RBFOX1: variants seen among roughly 807,000 people sequenced by gnomAD.
RBFOX1 encodes the protein RNA binding fox-1 homolog 1.
RBFOX1 carries 8 observed loss-of-function variants against 57.7 expected under a neutral mutation model. The ratio of observed to expected loss-of-function variants is 0.14; its 90% CI spans 0.08 to 0.25. The LOEUF (loss-of-function observed/expected upper bound fraction) is 0.25. Ranked by LOEUF, RBFOX1 falls within the 10% of genes least tolerant of loss-of-function variation. The pLI is 1.00. For synonymous variants in RBFOX1, 326 were observed against 222.4 expected (o/e 1.47, Z -4.15); for missense variants, 611 against 548.5 (o/e 1.11, Z -1.14).
chr16:6,448,156 CTTT>C lies in RBFOX1; in HGVS notation c.-64+131118_-64+131120del, dbSNP rs397969435. ...TTCTTTTTTTTCTTTTCTTTTCTTT[CTTT>C]TTTTTTTTTTTTTTTTTTGAGATGG... On this transcript the variant is annotated intron_variant, in intron 2 of 15. Transcript: ENST00000550418. 1.2e-3 allele frequency among the ~76,000 whole-genome samples: 91 copies of C among 78,472 alleles called. 1 individual carries two copies. Among genetic ancestry groups the C allele is most frequent in the African/African-American group, 4.8e-3 (85 of 17,848 alleles). The allele number at this position is 78,472 out of a possible 152,430, so 51.5% of individuals were successfully genotyped here. A position where few individuals can be genotyped will look rare whatever the true frequency, so the allele number is the denominator to read the frequency against.
intron 1 of RBFOX1, among the ~76,000 whole-genome samples, chr16:5,429,845 C>G (rs2067676233): frequency 6.6e-6 from 1 of 152,202 alleles, no homozygotes; most frequent in South Asian, 2.1e-4. Flanking sequence ...GTGCTAGGGG[C>G]TCCGGCTGTG....
At chr16:7,173,507 C>T (rs569998984) in intron 4 of RBFOX1, among the ~76,000 whole-genome samples, 19 of 151,628 alleles carry the variant, frequency 1.3e-4, no homozygotes, top group Non-Finnish European at 2.8e-4. Context: ...TTTTTTCTCT[C>T]AGAAGTCATT....
At chr16:6,628,949 G>C (rs2098346922) in intron 2 of RBFOX1, among the ~76,000 whole-genome samples, 1 of 152,174 alleles carries the variant, frequency 6.6e-6, no homozygotes, top group Non-Finnish European at 1.5e-5. Flanking sequence ...AGAATTGCTT[G>C]AACCCAGGCT....
chr16:7,419,058 C>G lies in RBFOX1; in HGVS notation c.28-99089C>G, dbSNP rs1231612104. On this transcript the variant is annotated intron_variant, in intron 4 of 15. Transcript: ENST00000550418. ...TAGCTGGGACTACAGGTGTTCGTCA[C>G]CACGCCCAGATAGTTTTTTTTGTAT... Among the ~76,000 whole-genome samples the G allele has an allele frequency of 2.4e-4, 36 of 152,096 alleles. 1 individual carries two copies. The highest frequency in any genetic ancestry group is 2.3e-3 in the Admixed American group (35 of 15,264).
chr16:7,105,837 A>T (rs13333584), intron 4 of RBFOX1, among the ~76,000 whole-genome samples: 1 of 152,112 alleles, frequency 6.6e-6, no homozygotes, highest in Non-Finnish European at 1.5e-5. Flanking sequence ...CATTTGATTG[A>T]TGGGCATTTG....
At chr16:6,501,577 G>T (rs1262899915) in intron 2 of RBFOX1, among the ~76,000 whole-genome samples, 1 of 151,934 alleles carries the variant, frequency 6.6e-6, no homozygotes, top group African/African-American at 2.4e-5. Context: ...CTTTGCTATT[G>T]TGAATAGTGC....
At chr16:5,424,994 T>TTTTTTTC (rs1567490832) in intron 1 of RBFOX1, among the ~76,000 whole-genome samples, 1 of 89,562 alleles carries the variant, frequency 1.1e-5, no homozygotes. Flanking sequence ...TTTTCTTTTC[T>TTTTTTTC]TTTCTTTTCT....
intron 2 of RBFOX1, among the ~76,000 whole-genome samples, chr16:6,447,630 C>T (rs555475388): frequency 3.4e-4 from 51 of 152,216 alleles, no homozygotes; most frequent in Non-Finnish European, 5.1e-4. Context: ...TCTACGTGCG[C>T]GGACAAATCA....
At chr16:6,297,503 G>A (rs1379270539) in intron 1 of RBFOX1, among the ~76,000 whole-genome samples, 1 of 152,122 alleles carries the variant, frequency 6.6e-6, no homozygotes, top group African/African-American at 2.4e-5. Flanking sequence ...GAATGCCTCT[G>A]AACCGAGTTT....
intron 3 of RBFOX1, among the ~76,000 whole-genome samples, chr16:5,837,506 T>C: frequency 6.6e-6 from 1 of 151,900 alleles, no homozygotes; most frequent in African/African-American, 2.4e-5. Flanking sequence ...TCCACAGACA[T>C]TCCCACTCCC....
At chr16:6,324,549 C>T (rs1446982905) in intron 2 of RBFOX1, among the ~76,000 whole-genome samples, 1 of 152,066 alleles carries the variant, frequency 6.6e-6, no homozygotes, top group Non-Finnish European at 1.5e-5. Context: ...AGAGGAGGCA[C>T]CATGCACTTT....
chr16:5,639,233 C>G (rs143647378), intron 3 of RBFOX1, among the ~76,000 whole-genome samples: 1 of 152,158 alleles, frequency 6.6e-6, no homozygotes, highest in Non-Finnish European at 1.5e-5. Flanking sequence ...CATCTATGTA[C>G]GTAAGGGAAT....
chr16:7,026,928 C>G (rs149946369), intron 3 of RBFOX1, among the ~76,000 whole-genome samples: 4 of 152,148 alleles, frequency 2.6e-5, no homozygotes, highest in African/African-American at 9.7e-5. Context: ...GAGCTGGCGG[C>G]CTCCCAGGAA....
At chr16:5,831,325 C>A (rs1384858650) in intron 3 of RBFOX1, among the ~76,000 whole-genome samples, 2 of 152,080 alleles carry the variant, frequency 1.3e-5, no homozygotes, top group South Asian at 4.2e-4. Context: ...CTGCCATTCT[C>A]TCTATCTTGC....
At chr16:6,211,969 C>T (rs773857036) in intron 1 of RBFOX1, among the ~76,000 whole-genome samples, 2 of 152,040 alleles carry the variant, frequency 1.3e-5, no homozygotes, top group Non-Finnish European at 2.9e-5. Context: ...CATGTCTCAG[C>T]CTCCAGAGTA....
At chr16:7,182,771 C>G (rs2082977834) in intron 4 of RBFOX1, among the ~76,000 whole-genome samples, 1 of 152,138 alleles carries the variant, frequency 6.6e-6, no homozygotes, top group Non-Finnish European at 1.5e-5. Flanking sequence ...TTGCCTCACC[C>G]CTGACTTAGC....
intron 3 of RBFOX1, among the ~76,000 whole-genome samples, chr16:6,972,312 C>T (rs1041742617): frequency 4.6e-5 from 7 of 152,144 alleles, no homozygotes; most frequent in African/African-American, 1.7e-4. Flanking sequence ...GATTGGGCTA[C>T]GTTTGCTACC....
intron 2 of RBFOX1, among the ~76,000 whole-genome samples, chr16:6,636,594 A>G (rs2098435735): frequency 6.6e-6 from 1 of 151,668 alleles, no homozygotes; most frequent in African/African-American, 2.4e-5. Flanking sequence ...GTTATTTTGG[A>G]GAAATAAAAA....
At chr16:5,498,959 C>T (rs934817818) in intron 2 of RBFOX1, among the ~76,000 whole-genome samples, 5 of 152,142 alleles carry the variant, frequency 3.3e-5, no homozygotes, top group African/African-American at 1.2e-4. Context: ...TAAGTGGCTC[C>T]TGGGCAGGTT....
Sources: gnomAD v4.1 joint callset for allele counts (sites outside exome capture counted in the v4.1 genomes callset) on GRCh38, gnomAD v4.1.1 for gene constraint, MANE v1.5 for transcripts, NCBI Gene and HGNC (gene_info 2026-07-23, HGNC 2026-07-21) for gene names.